Variants in CDK19 observed in about 807,000 individuals in gnomAD.
CDK19 encodes cyclin-dependent kinase 19.
In CDK19, 20 loss-of-function variants were observed where a neutral mutation model predicts 68.3. The observed-to-expected ratio is 0.29, with a 90% CI of 0.21 to 0.43. CDK19 has a LOEUF of 0.43. Ranked by LOEUF, CDK19 falls within the 20% of genes least tolerant of loss-of-function variation. The pLI is 1.00. For synonymous variants in CDK19, 221 were observed against 222.8 expected, an observed-to-expected ratio of 0.99 and a Z score of 0.07; for missense variants, 339 against 623.5, an observed-to-expected ratio of 0.54 and a Z score of 4.86.
At chr6:110,704,132 A>G (rs1365040185) in intron 2 of CDK19, among the ~76,000 whole-genome samples, 4 of 152,214 alleles carry the variant, frequency 2.6e-5, no homozygotes, top group African/African-American at 9.6e-5. Flanking sequence ...TTACAACACA[A>G]TCTATTGCCC....
Position 110,790,444 on chromosome 6 carries a change from A to G in CDK19, c.128+24565T>C, listed in dbSNP as rs546690238. On this transcript the variant is annotated intron_variant, in intron 1 of 12. Transcript: ENST00000368911. The stretch of plus-strand genomic sequence containing the variant: ...CAGCTACTGGGGAGGCTGAAGCATG[A>G]GAAACACTTGAAACTGGGAGGCAGA... 1.1e-4 allele frequency among the ~76,000 whole-genome samples: 17 copies of G among 152,320 alleles called. No homozygotes were observed. In the South Asian group the frequency reaches 3.5e-3, roughly 32 times the overall value.
intron 4 of CDK19, among the ~76,000 whole-genome samples, chr6:110,653,779 T>C (rs1370122717): frequency 6.6e-6 from 1 of 152,250 alleles, no homozygotes; most frequent in Non-Finnish European, 1.5e-5. Context: ...CTTAATGCTT[T>C]AATTTATATT....
chr6:110,674,325 A>G (rs966951558), intron 2 of CDK19, among the ~76,000 whole-genome samples: 1 of 152,202 alleles, frequency 6.6e-6, no homozygotes, highest in Non-Finnish European at 1.5e-5. Context: ...ATGGCCTCCA[A>G]CTGTTCAAGT....
At chr6:110,674,483 T>G (rs1771305695) in intron 2 of CDK19, among the ~76,000 whole-genome samples, 1 of 152,210 alleles carries the variant, frequency 6.6e-6, no homozygotes, top group South Asian at 2.1e-4. Flanking sequence ...GAAAAAGTTC[T>G]TGAAGGAAAT....
intron 2 of CDK19, among the ~76,000 whole-genome samples, chr6:110,741,562 C>A (rs78658688): frequency 0.028 from 4,173 of 151,098 alleles, 82 homozygotes; most frequent in South Asian, 0.084. Context: ...AGGAGCTCAA[C>A]AAACTCCAAG....
At chr6:110,732,548 C>T (rs1298089453) in intron 2 of CDK19, among the ~76,000 whole-genome samples, 1 of 151,836 alleles carries the variant, frequency 6.6e-6, no homozygotes. Context: ...TCAAGATGGC[C>T]CCAGGCTAAC....
intron 2 of CDK19, among the ~76,000 whole-genome samples, chr6:110,728,984 G>T (rs1188654634): frequency 1.3e-5 from 2 of 152,128 alleles, no homozygotes; most frequent in Non-Finnish European, 2.9e-5. Context: ...CTGAAAGACA[G>T]TGCCTAGCAC....
intron 2 of CDK19, among the ~76,000 whole-genome samples, chr6:110,741,752 A>G (rs1777687889): frequency 6.6e-6 from 1 of 152,178 alleles, no homozygotes; most frequent in Non-Finnish European, 1.5e-5. Flanking sequence ...AGCAGAGATG[A>G]CACAGTCAAA....
At chr6:110,780,538 A>C (rs1033017633) in intron 1 of CDK19, among the ~76,000 whole-genome samples, 2 of 152,126 alleles carry the variant, frequency 1.3e-5, no homozygotes, top group Non-Finnish European at 2.9e-5. Context: ...TTCCTAACAA[A>C]ATACCATTTT....
intron 1 of CDK19, among the ~76,000 whole-genome samples, chr6:110,752,066 AAAG>A (rs1419235713): frequency 6.6e-6 from 1 of 152,200 alleles, no homozygotes; most frequent in Non-Finnish European, 1.5e-5. Context: ...ACAAAAAAAA[AAAG>A]ATCATCTTGT....
chr6:110,615,356 C>T (rs943178742), intron 12 of CDK19, among the ~76,000 whole-genome samples: 9 of 151,816 alleles, frequency 5.9e-5, no homozygotes, highest in Non-Finnish European at 8.8e-5. Context: ...TAGTACCTAA[C>T]GCAAATACAA....
intron 2 of CDK19, among the ~76,000 whole-genome samples, chr6:110,739,964 T>G (rs1389693270): frequency 1.3e-5 from 2 of 152,060 alleles, no homozygotes; most frequent in Non-Finnish European, 2.9e-5. Flanking sequence ...CTTATAATCT[T>G]TATATCCTAC....
rs1448798964 is a variant in CDK19 at position 110,613,487 on chromosome 6, G to A, written c.*1048C>T. 6.6e-6 allele frequency: 1 copy of A among 152,532 alleles called. No individual in the cohort carries two copies. The highest frequency in any genetic ancestry group is 1.5e-5 in the Non-Finnish European group (1 of 68,036). 9.4% of individuals were successfully genotyped at this position (152,532 alleles called of 1,614,324 possible). On this transcript the variant is annotated 3_prime_UTR_variant, in exon 13 of 13. Transcript: ENST00000368911. ...AACACTGCTCTTTATTTTAAAAGCA[G>A]ATTAATTTTCAGGCTTCTACTTGAG...
intron 2 of CDK19, among the ~76,000 whole-genome samples, chr6:110,738,557 A>G (rs1582991355): frequency 6.6e-6 from 1 of 152,026 alleles, no homozygotes; most frequent in African/African-American, 2.4e-5. Context: ...AAATATAAAA[A>G]CAACTGAGAT....
intron 4 of CDK19, among the ~76,000 whole-genome samples, chr6:110,659,469 C>A (rs568929623): frequency 7.9e-5 from 12 of 152,328 alleles, no homozygotes; most frequent in Admixed American, 5.2e-4. Context: ...TGTTACAATT[C>A]AGCAGAAATA....
intron 4 of CDK19, 52 bp downstream of exon 4, chr6:110,667,382 T>C: frequency 8.2e-7 from 1 of 1,226,984 alleles, no homozygotes; most frequent in Non-Finnish European, 1.1e-6. Flanking sequence ...AAATATATTT[T>C]TTAAAAGAGT....
intron 1 of CDK19, among the ~76,000 whole-genome samples, chr6:110,787,385 C>T (rs1404583147): frequency 6.6e-6 from 1 of 152,022 alleles, no homozygotes; most frequent in Non-Finnish European, 1.5e-5. Context: ...AACAAACAAA[C>T]AAACAAAGAC....
intron 4 of CDK19, among the ~76,000 whole-genome samples, chr6:110,641,583 A>G: frequency 7.1e-6 from 1 of 140,548 alleles, no homozygotes. Context: ...CAACAGAGTG[A>G]GACTCCATCA....
chr6:110,649,405 T>C (rs1017569351), intron 4 of CDK19, among the ~76,000 whole-genome samples: 7 of 152,134 alleles, frequency 4.6e-5, no homozygotes, highest in East Asian at 1.9e-4. Flanking sequence ...AGCAAAACTT[T>C]AAAACTTTTG....
Sources: allele counts gnomAD v4.1 joint callset (sites outside exome capture counted in the v4.1 genomes callset), GRCh38; gene constraint gnomAD v4.1.1; transcripts MANE v1.5; gene names NCBI Gene and HGNC (gene_info 2026-07-23, HGNC 2026-07-21).